DOCK5: variants seen among roughly 807,000 people sequenced by gnomAD.
DOCK5 encodes the protein dedicator of cytokinesis 5, also known as dedicator of cytokinesis protein 5.
A neutral mutation model predicts 251.8 loss-of-function variants in DOCK5; 142 were observed. The observed-to-expected ratio is 0.56, with a 90% CI of 0.49 to 0.65. The LOEUF is 0.65. Ranked by LOEUF, DOCK5 falls within the 30% of genes least tolerant of loss-of-function variation. The probability of loss-of-function intolerance (pLI) is 0.00; values close to 1 mark genes in which losing one functional copy is unlikely to be tolerated. For missense variants in DOCK5, 2,111 were observed against 2,312.3 expected, an observed-to-expected ratio of 0.91 and a Z score of 1.79; for synonymous variants, 842 against 835.5, an observed-to-expected ratio of 1.01 and a Z score of -0.13.
In DOCK5 at chr8:25,244,651, C is replaced by T. The variant is rs539007267; in HGVS notation, c.127+894C>T. Among the ~76,000 whole-genome samples, 351 of 152,186 alleles carry T rather than the reference C, an allele frequency of 2.3e-3. 2 individuals are homozygous for T. Among genetic ancestry groups the T allele is most frequent in the Middle Eastern group, 6.8e-3 (2 of 292 alleles). ...CGGCAGAGATGGTCCGCGAGGACCC[C>T]GTGCAGGTTCCTAGGGTGGGATGGG... On this transcript the variant is annotated intron_variant, in intron 2 of 51. Transcript: ENST00000276440.
In DOCK5 at chr8:25,312,923, C is replaced by T. The variant is rs1041516577; in HGVS notation, c.1318+2391C>T. ...CCAGCCTGGGCAACAGAGTAAGACT[C>T]CATCTCAAAAAAGAGAAAAAAATTC... is the stretch of plus-strand genomic sequence containing the variant. On this transcript the variant is annotated intron_variant, in intron 13 of 51. Transcript: ENST00000276440. Among the ~76,000 whole-genome samples the T allele has an allele frequency of 5.9e-5, 9 of 152,128 alleles. No individual in the cohort carries two copies. In the South Asian group the frequency reaches 1.9e-3, roughly 32 times the overall value.
chr8:25,371,784 C>T (rs1192607866), intron 34 of DOCK5, among the ~76,000 whole-genome samples: 1 of 152,186 alleles, frequency 6.6e-6, no homozygotes, highest in African/African-American at 2.4e-5. Flanking sequence ...TCCTAGATCA[C>T]TAACTTAGAA....
intron 30 of DOCK5, among the ~76,000 whole-genome samples, chr8:25,365,582 G>A (rs1374150206): frequency 6.6e-6 from 1 of 152,198 alleles, no homozygotes; most frequent in Non-Finnish European, 1.5e-5. Context: ...CCCTGTAGAA[G>A]TTTTCCCATT....
rs138218298 is a variant in DOCK5, at chr8:25,192,643, C to G, written c.43+7692C>G. Among the ~76,000 whole-genome samples, 23 of 152,264 alleles carry G rather than the reference C, an allele frequency of 1.5e-4. 1 individual carries two copies. The East Asian group carries it at 4.4e-3, about 29-fold the overall frequency. On this transcript the variant is annotated intron_variant, in intron 1 of 51. Coordinates refer to ENST00000276440, the MANE Select transcript of DOCK5 (RefSeq NM_024940.8). ...ACCTCAGCCTCTGGAATAGCTGGAACTACAGACACACACTACCATGCCTGG... is the reference window on the plus strand; with the variant it reads ...ACCTCAGCCTCTGGAATAGCTGGAAGTACAGACACACACTACCATGCCTGG...
chr8:25,244,352 A>G (rs1204632548), intron 2 of DOCK5, among the ~76,000 whole-genome samples: 1 of 152,172 alleles, frequency 6.6e-6, no homozygotes, highest in African/African-American at 2.4e-5. Flanking sequence ...TCATGTCTGT[A>G]CCCACTCCAC....
At chr8:25,346,111 A>C (rs1209163831) in intron 26 of DOCK5, among the ~76,000 whole-genome samples, 1 of 152,018 alleles carries the variant, frequency 6.6e-6, no homozygotes. Flanking sequence ...CGGCCTCCCA[A>C]AGTGGTGGGA....
At chr8:25,185,533 A>G (rs1801410525) in intron 1 of DOCK5, among the ~76,000 whole-genome samples, 1 of 152,074 alleles carries the variant, frequency 6.6e-6, no homozygotes, top group Non-Finnish European at 1.5e-5. Flanking sequence ...GATGGAAGGG[A>G]CAGGAAGTTG....
intron 5 of DOCK5, 136 bp from the exon 6 acceptor site, chr8:25,291,888 A>G (rs1804498323): frequency 1.0e-6 from 1 of 954,602 alleles, no homozygotes; most frequent in Non-Finnish European, 1.5e-6. Flanking sequence ...AAAAAAAAAA[A>G]AGAATCGGCC....
In DOCK5 at chr8:25,334,195, G is replaced by A; in HGVS notation, c.2191G>A (p.Val731Met). 6.2e-7 allele frequency: 1 copy of A among 1,610,366 alleles called. No individual in the cohort carries two copies. Among genetic ancestry groups the A allele is most frequent in the Non-Finnish European group, 8.5e-7 (1 of 1,176,600 alleles). The change falls in exon 21 of 52, where the codon GTG becomes ATG. Residue 731 changes from valine to methionine, a missense_variant and splice_region_variant. Transcript: ENST00000276440. ...YKHFSATLAY[V>M]KLSKVLNFYV... ...GCACTTCAGCGCCACTTTGGCATAT[G>A]TGTAAGTATGATCTGAAGGAACTAC...
At chr8:25,245,365 T>C (rs1055021133) in intron 2 of DOCK5, among the ~76,000 whole-genome samples, 1 of 152,152 alleles carries the variant, frequency 6.6e-6, no homozygotes, top group African/African-American at 2.4e-5. Context: ...CTACAGCTCT[T>C]CCAGTCTTAT....
rs879362038 is a variant in DOCK5, at chr8:25,331,821, G to T, written c.1904-430G>T. ...ATATATAGAGAGAGAGAGAGAGAGA[G>T]AGAGAGAGAGAGAGAGAGAGATACA... On this transcript the variant is annotated intron_variant, in intron 18 of 51. Coordinates refer to ENST00000276440, the MANE Select transcript of DOCK5 (RefSeq NM_024940.8). Among the ~76,000 whole-genome samples the T allele has an allele frequency of 5.1e-3, 764 of 149,556 alleles. 9 individuals carry two copies. Among genetic ancestry groups the T allele is most frequent in the Non-Finnish European group, 7.2e-3 (485 of 67,402 alleles).
intron 13 of DOCK5, among the ~76,000 whole-genome samples, chr8:25,316,662 G>A (rs1202583681): frequency 2.0e-5 from 3 of 152,108 alleles, no homozygotes; most frequent in East Asian, 1.9e-4. Flanking sequence ...ATTATCAGAT[G>A]TATTCAAAAT....
rs559310583 is a variant in DOCK5, at chr8:25,249,053, CA to C, written c.127+5297del. 9.9e-5 allele frequency among the ~76,000 whole-genome samples: 15 copies of C among 152,244 alleles called. No individual in the cohort carries two copies. In the South Asian group the frequency reaches 1.7e-3, roughly 17 times the overall value. On this transcript the variant is annotated intron_variant, in intron 2 of 51. Coordinates refer to ENST00000276440, the MANE Select transcript of DOCK5 (RefSeq NM_024940.8). ...TCTTGCTGTCCCCCAGGCTGGAATG[CA>C]GTGGCATAATAACAGCTCACTGTAA...
At chr8:25,395,352 T>G (rs547297031) in intron 44 of DOCK5, among the ~76,000 whole-genome samples, 191 bp from the exon 45 acceptor site, 1 of 152,324 alleles carries the variant, frequency 6.6e-6, no homozygotes, top group African/African-American at 2.4e-5. Flanking sequence ...GCCTGTTTCC[T>G]AATAGGCCAC....
intron 45 of DOCK5, among the ~76,000 whole-genome samples, chr8:25,396,525 A>G (rs886275023): frequency 6.6e-6 from 1 of 152,234 alleles, no homozygotes; most frequent in Non-Finnish European, 1.5e-5. Flanking sequence ...GTTAGGATGT[A>G]ACAGCATTTA....
At chr8:25,317,420 C>A in intron 14 of DOCK5, 1 of 257,670 alleles carries the variant, frequency 3.9e-6, no homozygotes, top group Non-Finnish European at 7.5e-6. Context: ...TTATCGTTTT[C>A]AACTTAGTTA....
intron 1 of DOCK5, among the ~76,000 whole-genome samples, chr8:25,194,704 AG>A (rs1801675913): frequency 6.6e-6 from 1 of 152,158 alleles, no homozygotes; most frequent in South Asian, 2.1e-4. Flanking sequence ...CTTCCAGAAC[AG>A]AAGTTTGGAT....
chr8:25,354,957 A>G (rs376687070), intron 27 of DOCK5, among the ~76,000 whole-genome samples: 2 of 152,200 alleles, frequency 1.3e-5, no homozygotes, highest in Non-Finnish European at 2.9e-5. Flanking sequence ...ATTTAGGCCA[A>G]GCACAATGGC....
At chr8:25,310,178 C>T (rs915676674) in intron 12 of DOCK5, among the ~76,000 whole-genome samples, 1 of 151,930 alleles carries the variant, frequency 6.6e-6, no homozygotes, top group Non-Finnish European at 1.5e-5. Context: ...CTATCTTTAC[C>T]CCTTTTTTCC....
Sources: gnomAD v4.1 joint callset for allele counts (sites outside exome capture counted in the v4.1 genomes callset) on GRCh38, gnomAD v4.1.1 for gene constraint, MANE v1.5 for transcripts, NCBI Gene and HGNC (gene_info 2026-07-23, HGNC 2026-07-21) for gene names.